SERPINB2: variants seen among roughly 807,000 people sequenced by gnomAD.
SERPINB2 encodes the protein plasminogen activator inhibitor 2.
In SERPINB2, 28 loss-of-function variants were observed where a neutral mutation model predicts 39.4. The ratio of observed to expected loss-of-function variants is 0.71; its 90% CI spans 0.53 to 0.97. SERPINB2 has a LOEUF of 0.97. Among genes scored for constraint, SERPINB2 ranks in the 50% least tolerant of loss-of-function variants. SERPINB2 has a pLI of 0.00. For synonymous variants in SERPINB2, 209 were observed against 175.1 expected (o/e 1.19, Z -1.53); for missense variants, 557 against 505.3 (o/e 1.10, Z -0.98).
At position 63,901,859 on chromosome 18, in the gene SERPINB2, C is replaced by T. The variant is rs747104575; in HGVS notation, c.655C>T (p.Leu219Phe). 7 of 1,600,542 alleles carry T rather than the reference C, an allele frequency of 4.4e-6. No homozygotes were observed. In the South Asian group the frequency reaches 6.8e-5, roughly 16 times the overall value. The change falls in exon 6 of 8, where the codon CTT becomes TTT. Residue 219 changes from leucine (L) to phenylalanine (F), a missense_variant. Coordinates refer to ENST00000299502, the MANE Select transcript of SERPINB2 (RefSeq NM_002575.3). The stretch of plus-strand genomic sequence containing the variant: ...TCCATTTGAGAAGAAACTAAATGGG[C>T]TTTATCCTTTCCGTGTAAACTCGGT... ...KTPFEKKLNGLYPFRVNSAQR... is the reference protein window; with the variant it reads ...KTPFEKKLNGFYPFRVNSAQR...
At chr18:63,893,466 T>C (rs1269688583) in intron 2 of SERPINB2, among the ~76,000 whole-genome samples, 2 of 152,130 alleles carry the variant, frequency 1.3e-5, no homozygotes, top group African/African-American at 4.8e-5. Context: ...ATATATCGTC[T>C]TTTGACAACT....
rs2049970647 is a variant in SERPINB2 at position 63,897,855 on chromosome 18, GA to G, written c.535+15del. On this transcript the variant is annotated intron_variant, in intron 5 of 7. Transcript: ENST00000299502. The stretch of plus-strand genomic sequence containing the variant: ...AGACTCAAACCAAAGGTAAATCCAA[GA>G]AAATATTTTATTTACTTCTTTCCAG... 1.1e-5 allele frequency: 16 copies of G among 1,508,320 alleles called. No homozygotes were observed. Among genetic ancestry groups the G allele is most frequent in the Non-Finnish European group, 1.5e-5 (16 of 1,093,328 alleles). The allele number at this position is 1,508,320 out of a possible 1,614,324, so 93.4% of individuals were successfully genotyped here.
rs2144702755 is a variant in SERPINB2 at position 63,897,734 on chromosome 18, T to C, written c.425T>C (p.Ile142Thr). The C allele has an allele frequency of 6.3e-7, 1 of 1,597,056 alleles. No individual in the cohort carries two copies. Among genetic ancestry groups the C allele is most frequent in the Non-Finnish European group, 8.6e-7 (1 of 1,164,824 alleles). ...EKSASFREEY[I>T]RLCQKYYSSE... ...CATTTTCTTGCTTTAAAGGAATATA[T>C]TCGACTCTGTCAGAAATATTACTCC... Residue 142 changes from isoleucine (I) to threonine (T), a missense_variant, in exon 5 of 8, where the codon ATT becomes ACT. Physicochemically the swap from Ile to Thr is moderately conservative, Grantham distance 89. Coordinates refer to ENST00000299502, the MANE Select transcript of SERPINB2 (RefSeq NM_002575.3).
rs936163223 is a variant in SERPINB2 at position 63,902,777 on chromosome 18, C to A, written c.844-124C>A. On this transcript the variant is annotated intron_variant, in intron 7 of 7. Coordinates refer to ENST00000299502, the MANE Select transcript of SERPINB2 (RefSeq NM_002575.3). Reference sequence around the variant, plus strand: ...TGTAAAAATCTGACCAATCTGTTAACTTTCTATATCACCCACAATATAGTA... The same window carrying A: ...TGTAAAAATCTGACCAATCTGTTAAATTTCTATATCACCCACAATATAGTA... The A allele has an allele frequency of 5.9e-6, 7 of 1,187,788 alleles. No individual in the cohort carries two copies. In the African/African-American group the frequency reaches 9.3e-5, roughly 16 times the overall value. The allele number at this position is 1,187,788 out of a possible 1,614,324, so 73.6% of individuals were successfully genotyped here. A position where few individuals can be genotyped will look rare whatever the true frequency, so the allele number is the denominator to read the frequency against.
At chr18:63,902,877 G>C in intron 7 of SERPINB2, 24 bp from the exon 8 acceptor site, 1 of 1,522,232 alleles carries the variant, frequency 6.6e-7, no homozygotes, top group Non-Finnish European at 8.8e-7. Flanking sequence ...TCTTTTGTTT[G>C]TTTTGTTTTG....
At chr18:63,891,292 A>T in intron 1 of SERPINB2, 144 bp from the exon 2 acceptor site, 1 of 824,884 alleles carries the variant, frequency 1.2e-6, no homozygotes. Flanking sequence ...GCTGTCCCTG[A>T]CCTGCCTCAT....
Position 63,901,785 on chromosome 18 carries a change from C to T in SERPINB2, c.581C>T (p.Thr194Ile), listed in dbSNP as rs1267791076. The T allele has an allele frequency of 2.5e-6, 4 of 1,585,534 alleles. No homozygotes were observed. Among genetic ancestry groups the T allele is most frequent in the Non-Finnish European group, 2.6e-6 (3 of 1,172,330 alleles). ...LLPEGSVDGD[T>I]RMVLVNAVYF... ...CCTGAAGGTTCTGTAGATGGGGATA[C>T]CAGGATGGTCCTGGTGAATGCTGTC... Residue 194 changes from threonine to isoleucine, a missense_variant, in exon 6 of 8, where the codon ACC becomes ATC. Thr to Ile is a moderately conservative substitution (Grantham distance 89, BLOSUM62 -1). Coordinates refer to ENST00000299502, the MANE Select transcript of SERPINB2 (RefSeq NM_002575.3).
At chr18:63,888,358 G>A (rs928159753) in intron 1 of SERPINB2, among the ~76,000 whole-genome samples, 2 of 152,296 alleles carry the variant, frequency 1.3e-5, no homozygotes, top group African/African-American at 2.4e-5. Context: ...GTTGACTGAA[G>A]TATGGTTCAG....
intron 4 of SERPINB2, among the ~76,000 whole-genome samples, chr18:63,897,477 G>T (rs990264109): frequency 6.6e-6 from 1 of 152,134 alleles, no homozygotes; most frequent in Non-Finnish European, 1.5e-5. Context: ...TATCCCCCAA[G>T]TCAAACCTCT....
At position 63,901,841 on chromosome 18, in the gene SERPINB2, G is replaced by C; in HGVS notation, c.637G>C (p.Glu213Gln). 1 of 1,603,880 alleles carries C rather than the reference G, an allele frequency of 6.2e-7. No homozygotes were observed. The highest frequency in any genetic ancestry group is 8.5e-7 in the Non-Finnish European group (1 of 1,177,138). The change falls in exon 6 of 8, where the codon GAG (glutamate) becomes CAG (glutamine). Residue 213 changes from glutamate (E) to glutamine (Q), a missense_variant. Physicochemically the swap from Glu to Gln is conservative, Grantham distance 29. Transcript: ENST00000299502. The part of the protein sequence containing the change: ...YFKGKWKTPF[E>Q]KKLNGLYPFR... ...CAAAGGAAAGTGGAAAACTCCATTT[G>C]AGAAGAAACTAAATGGGCTTTATCC...
intron 7 of SERPINB2, 25 bp downstream of exon 7, chr18:63,902,593 T>C (rs755157119): frequency 2.0e-5 from 18 of 919,600 alleles, no homozygotes; most frequent in Middle Eastern, 3.4e-4. Flanking sequence ...TATTTAAGTT[T>C]CTGGGGCTAT....
chr18:63,897,718 G>T lies in SERPINB2; in HGVS notation c.418-9G>T, dbSNP rs776991929. On this transcript the variant is annotated splice_polypyrimidine_tract_variant and intron_variant, in intron 4 of 7. Transcript: ENST00000299502. The stretch of plus-strand genomic sequence containing the variant: ...TTTATGTAGCCTTTGTCATTTTCTT[G>T]CTTTAAAGGAATATATTCGACTCTG... 16 of 1,521,068 alleles carry T rather than the reference G, an allele frequency of 1.1e-5. No individual in the cohort carries two copies. The highest frequency in any genetic ancestry group is 1.4e-5 in the Non-Finnish European group (15 of 1,096,520). The allele number at this position is 1,521,068 out of a possible 1,614,324, so 94.2% of individuals were successfully genotyped here.
In SERPINB2 at chr18:63,898,032, A is replaced by G. The variant is rs1279024781; in HGVS notation, c.535+188A>G. ...AACTGAGAAGAAATAATTGAGGCCT[A>G]CTAATAGAAGACATATGTTTAGTAC... On this transcript the variant is annotated intron_variant, in intron 5 of 7. Transcript: ENST00000299502. Among the ~76,000 whole-genome samples, 4 of 152,224 alleles carry G rather than the reference A, an allele frequency of 2.6e-5. No homozygotes were observed. The East Asian group carries it at 7.7e-4, about 29-fold the overall frequency.
chr18:63,900,306 T>A (rs1453151158), intron 5 of SERPINB2, among the ~76,000 whole-genome samples: 1 of 152,182 alleles, frequency 6.6e-6, no homozygotes, highest in Non-Finnish European at 1.5e-5. Context: ...GGGAAATATA[T>A]TGAATGTATA....
Position 63,901,881 on chromosome 18 carries a change from C to T in SERPINB2, c.677C>T (p.Ser226Leu), listed in dbSNP as rs141012637. 62 of 1,592,756 alleles carry T rather than the reference C, an allele frequency of 3.9e-5. No homozygotes were observed. Among genetic ancestry groups the T allele is most frequent in the African/African-American group, 1.4e-4 (10 of 73,356 alleles). The change falls in exon 6 of 8, where the codon TCG becomes TTG. Residue 226 changes from serine to leucine, a missense_variant and splice_region_variant. By Grantham distance (145) the Ser-to-Leu change is moderately radical (BLOSUM62 -2). Coordinates refer to ENST00000299502, the MANE Select transcript of SERPINB2 (RefSeq NM_002575.3). ...LNGLYPFRVN[S>L]AQRTPVQMMY... ...GGGCTTTATCCTTTCCGTGTAAACTCGGTATGAGACAACAAAATACATCTT... is the reference window on the plus strand; with the variant it reads ...GGGCTTTATCCTTTCCGTGTAAACTTGGTATGAGACAACAAAATACATCTT...
At chr18:63,900,597 T>G (rs2049985538) in intron 5 of SERPINB2, among the ~76,000 whole-genome samples, 1 of 152,134 alleles carries the variant, frequency 6.6e-6, no homozygotes, top group South Asian at 2.1e-4. Context: ...AAGGGGCAGT[T>G]TACGCAGAAA....
intron 2 of SERPINB2, among the ~76,000 whole-genome samples, chr18:63,893,146 T>A (rs1388706800): frequency 1.3e-5 from 2 of 152,178 alleles, no homozygotes; most frequent in African/African-American, 2.4e-5. Flanking sequence ...GCCAGGCTGG[T>A]CTCAAACTCC....
At chr18:63,891,983 G>A (rs542411430) in intron 2 of SERPINB2, among the ~76,000 whole-genome samples, 33 of 152,242 alleles carry the variant, frequency 2.2e-4, no homozygotes, top group Admixed American at 1.3e-3. Context: ...AGCCCTGGTG[G>A]TGTCAGAGAA....
At position 63,901,889 on chromosome 18, in the gene SERPINB2, G is replaced by C. The variant is rs2049993733; in HGVS notation, c.678+7G>C. The C allele has an allele frequency of 5.0e-6, 8 of 1,592,906 alleles. No homozygotes were observed. Among genetic ancestry groups the C allele is most frequent in the Non-Finnish European group, 6.8e-6 (8 of 1,174,208 alleles). ...TCCTTTCCGTGTAAACTCGGTATGAGACAACAAAATACATCTTCCTAGCAT... is the reference window on the plus strand; with the variant it reads ...TCCTTTCCGTGTAAACTCGGTATGACACAACAAAATACATCTTCCTAGCAT... On this transcript the variant is annotated splice_region_variant and intron_variant, in intron 6 of 7. Transcript: ENST00000299502.
Sources: gnomAD v4.1 joint callset for allele counts (sites outside exome capture counted in the v4.1 genomes callset) on GRCh38, gnomAD v4.1.1 for gene constraint, MANE v1.5 for transcripts, NCBI Gene and HGNC (gene_info 2026-07-23, HGNC 2026-07-21) for gene names.